Variants in JAKMIP1 observed in about 807,000 individuals in gnomAD.
JAKMIP1 encodes janus kinase and microtubule interacting protein 1.
In JAKMIP1, 33 loss-of-function variants were observed where a neutral mutation model predicts 113.0. The observed-to-expected ratio is 0.29, with a 90% CI of 0.22 to 0.39. The LOEUF (loss-of-function observed/expected upper bound fraction) is 0.39, where lower values mean the gene tolerates loss of function less well. Ranked by LOEUF, JAKMIP1 falls within the 10% of genes least tolerant of loss-of-function variation. JAKMIP1 has a pLI of 1.00. For synonymous variants in JAKMIP1, 480 were observed against 459.9 expected (o/e 1.04, Z -0.56); for missense variants, 813 against 1,080.5 (o/e 0.75, Z 3.47).
chr4:6,111,635 G>C (rs1207058889), intron 2 of JAKMIP1, among the ~76,000 whole-genome samples: 1 of 152,232 alleles, frequency 6.6e-6, no homozygotes, highest in African/African-American at 2.4e-5. Flanking sequence ...CATGAGACCA[G>C]TTAGCGGACA....
chr4:6,158,218 T>C lies in JAKMIP1; in HGVS notation c.-148+42035A>G, dbSNP rs1429400287. The stretch of plus-strand genomic sequence containing the variant: ...GGTCATGCAGTGCACGCTCCATACA[T>C]CCCAACTTTGCCCTGCGGATACTAC... On this transcript the variant is annotated intron_variant, in intron 1 of 20. Transcript: ENST00000409021. The surrounding 1 kb of genome is among the most constrained non-coding windows in gnomAD (Gnocchi z 5.3). Among the ~76,000 whole-genome samples the C allele has an allele frequency of 1.3e-5, 2 of 152,196 alleles. No individual in the cohort carries two copies. Among genetic ancestry groups the C allele is most frequent in the Non-Finnish European group, 2.9e-5 (2 of 68,044 alleles).
At chr4:6,114,354 G>A (rs1312222788) in intron 1 of JAKMIP1, among the ~76,000 whole-genome samples, 1 of 152,214 alleles carries the variant, frequency 6.6e-6, no homozygotes, top group African/African-American at 2.4e-5. Context: ...GTCAAGGTGA[G>A]GACCTGAAGC....
At chr4:6,056,946 T>TG (rs1393162705) in intron 11 of JAKMIP1, among the ~76,000 whole-genome samples, 187 bp from the exon 12 acceptor site, 1 of 152,206 alleles carries the variant, frequency 6.6e-6, no homozygotes, top group Non-Finnish European at 1.5e-5. Context: ...GGCTGGTTTG[T>TG]GGGGCATCCC....
chr4:6,119,572 A>AC (rs113983857), intron 1 of JAKMIP1, among the ~76,000 whole-genome samples: 39,886 of 150,746 alleles, frequency 0.26, 5,628 homozygotes, highest in African/African-American at 0.38. Flanking sequence ...AACAACAACA[A>AC]AAAAAAACCA....
rs1054194087 is a variant in JAKMIP1, at chr4:6,044,477, C to CA, written c.2029-2251dup. 1.4e-5 allele frequency among the ~76,000 whole-genome samples: 2 copies of CA among 143,880 alleles called. No individual in the cohort carries two copies. Among genetic ancestry groups the CA allele is most frequent in the Non-Finnish European group, 3.1e-5 (2 of 63,826 alleles). 94.4% of individuals were successfully genotyped at this position (143,880 alleles called of 152,430 possible). A position where few individuals can be genotyped will look rare whatever the true frequency, so the allele number is the denominator to read the frequency against. On this transcript the variant is annotated intron_variant, in intron 16 of 20. Coordinates refer to ENST00000409021, the MANE Select transcript of JAKMIP1 (RefSeq NM_001099433.2). This position sits in a 1 kb window ranked among gnomAD's most constrained non-coding sequence, Gnocchi z 4.4. Reference sequence around the variant, plus strand: ...TGCCAGCCACGGTGGCAGCACCCAGCACCCTGTGCCAGCCGCGGTGGCCAG... The same window carrying CA: ...TGCCAGCCACGGTGGCAGCACCCAGCAACCCTGTGCCAGCCGCGGTGGCCAG...
intron 9 of JAKMIP1, among the ~76,000 whole-genome samples, chr4:6,063,015 ACCTG>A (rs1047010016): frequency 1.3e-5 from 2 of 152,122 alleles, no homozygotes; most frequent in Non-Finnish European, 2.9e-5. Context: ...GGTGGTGGGC[ACCTG>A]TAATTCCAGC....
In JAKMIP1 at chr4:6,168,121, T is replaced by A. The variant is rs1723885881; in HGVS notation, c.-148+32132A>T. On this transcript the variant is annotated intron_variant, in intron 1 of 20. Transcript: ENST00000409021. This position sits in a 1 kb window ranked among gnomAD's most constrained non-coding sequence, Gnocchi z 4.6. ...CACACACCACCCAGGACGGCTGCAA[T>A]CAAAAAAGCGCACAACAACAAGTGT... is the stretch of plus-strand genomic sequence containing the variant. Among the ~76,000 whole-genome samples the A allele has an allele frequency of 6.6e-6, 1 of 152,056 alleles. No individual in the cohort carries two copies. Among genetic ancestry groups the A allele is most frequent in the African/African-American group, 2.4e-5 (1 of 41,400 alleles).
intron 9 of JAKMIP1, among the ~76,000 whole-genome samples, chr4:6,063,315 G>A (rs1187230439): frequency 6.6e-6 from 1 of 152,208 alleles, no homozygotes; most frequent in African/African-American, 2.4e-5. Context: ...CCCATGTTCT[G>A]GTGCTGAAAG....
chr4:6,172,464 G>C (rs1724842686), intron 1 of JAKMIP1, among the ~76,000 whole-genome samples: 1 of 152,112 alleles, frequency 6.6e-6, no homozygotes, highest in Admixed American at 6.5e-5. Flanking sequence ...CTCTGGCCTG[G>C]GTTTCTTCCA....
chr4:6,096,998 C>A (rs1711899708), intron 3 of JAKMIP1, among the ~76,000 whole-genome samples: 1 of 152,148 alleles, frequency 6.6e-6, no homozygotes, highest in Non-Finnish European at 1.5e-5. Flanking sequence ...TCATTCCTGA[C>A]AATGAATGTA....
chr4:6,050,302 G>A lies in JAKMIP1; in HGVS notation c.1908+276C>T, dbSNP rs181813002. On this transcript the variant is annotated intron_variant, in intron 14 of 20. Transcript: ENST00000409021. The surrounding 1 kb of genome is among the most constrained non-coding windows in gnomAD (Gnocchi z 7.4). ...GGTATTGTCATTTGGATTTCATAGCGAAGAGGCTAAGGCTCTGAAAGTTTA... is the reference window on the plus strand; with the variant it reads ...GGTATTGTCATTTGGATTTCATAGCAAAGAGGCTAAGGCTCTGAAAGTTTA... 7.9e-5 allele frequency among the ~76,000 whole-genome samples: 12 copies of A among 152,288 alleles called. No homozygotes were observed. Among genetic ancestry groups the A allele is most frequent in the African/African-American group, 1.9e-4 (8 of 41,560 alleles).
Position 6,094,848 on chromosome 4 carries a change from T to C in JAKMIP1, c.625-9219A>G. Among the ~76,000 whole-genome samples, 1 of 151,850 alleles carries C rather than the reference T, an allele frequency of 6.6e-6. No homozygotes were observed. On this transcript the variant is annotated intron_variant, in intron 3 of 20. Coordinates refer to ENST00000409021, the MANE Select transcript of JAKMIP1 (RefSeq NM_001099433.2). This position sits in a 1 kb window ranked among gnomAD's most constrained non-coding sequence, Gnocchi z 4.2. ...GTCTCTGCAAAAAATACAAAAAAAT[T>C]AGCTGGGCATAGGTGGTCCTGGCTA...
intron 3 of JAKMIP1, among the ~76,000 whole-genome samples, chr4:6,098,811 G>C (rs1370928247): frequency 6.6e-6 from 1 of 152,204 alleles, no homozygotes; most frequent in Non-Finnish European, 1.5e-5. Flanking sequence ...GCTCGAGAAG[G>C]CTGGCTCCTG....
chr4:6,083,328 G>A (rs992345839), intron 5 of JAKMIP1, among the ~76,000 whole-genome samples: 3 of 151,486 alleles, frequency 2.0e-5, no homozygotes, highest in African/African-American at 4.9e-5. Flanking sequence ...ACTTGAACCC[G>A]GGAGGCAGAG....
chr4:6,030,243 G>A (rs1468342070), intron 19 of JAKMIP1, among the ~76,000 whole-genome samples: 2 of 152,092 alleles, frequency 1.3e-5, no homozygotes, highest in Admixed American at 6.5e-5. Flanking sequence ...CTGGGGGATG[G>A]GGGGAGGGAG....
rs1290183266 is a variant in JAKMIP1, at chr4:6,073,709, T to A, written c.1302+5230A>T. ...ATGGATATAATGTTCATTTTAAGAA[T>A]CAAACTGAGGTTCTGAGCGTTTAGA... On this transcript the variant is annotated intron_variant, in intron 8 of 20. Transcript: ENST00000409021. Among the ~76,000 whole-genome samples, 9 of 152,310 alleles carry A rather than the reference T, an allele frequency of 5.9e-5. No individual in the cohort carries two copies. The East Asian group carries it at 1.7e-3, about 29-fold the overall frequency.
In JAKMIP1 at chr4:6,183,966, C is replaced by G. The variant is rs1170424397; in HGVS notation, c.-148+16287G>C. ...CAAGATGCCACAGCTGTTCAGATTG[C>G]AACTGTCACCCTATACTTTTCGTTT... On this transcript the variant is annotated intron_variant, in intron 1 of 20. Transcript: ENST00000409021. This position sits in a 1 kb window ranked among gnomAD's most constrained non-coding sequence, Gnocchi z 5.3. 6.6e-6 allele frequency among the ~76,000 whole-genome samples: 1 copy of G among 152,228 alleles called. No homozygotes were observed. The highest frequency in any genetic ancestry group is 2.4e-5 in the African/African-American group (1 of 41,452).
Position 6,105,686 on chromosome 4 carries a change from G to A in JAKMIP1, c.411C>T (p.Arg137=), listed in dbSNP as rs745471561. The A allele has an allele frequency of 3.1e-6, 5 of 1,602,862 alleles. No homozygotes were observed. In the Admixed American group the frequency reaches 6.8e-5, roughly 22 times the overall value. Residue 137 remains arginine (R), a synonymous_variant, in exon 3 of 21, where the codon CGC becomes CGT. Coordinates refer to ENST00000409021, the MANE Select transcript of JAKMIP1 (RefSeq NM_001099433.2). ...CATCGAAGGCCCTGCGCGCCTCCTC[G>A]CGCGCCTCGGTCAGCAGCGCCGTCT... is the stretch of plus-strand genomic sequence containing the variant. ...KVKTALLTEA[R]EEARRAFDGE... is the part of the protein sequence containing the mutation.
intron 1 of JAKMIP1, among the ~76,000 whole-genome samples, chr4:6,174,188 G>T (rs773527731): frequency 3.0e-4 from 46 of 152,218 alleles, no homozygotes; most frequent in Non-Finnish European, 5.6e-4. Context: ...GCAAAATGAT[G>T]ATGTGAGGCC....
Sources: gnomAD v4.1 joint callset for allele counts (sites outside exome capture counted in the v4.1 genomes callset) on GRCh38, gnomAD v4.1.1 for gene constraint, Gnocchi (gnomAD v3.1) non-coding constraint, MANE v1.5 for transcripts, NCBI Gene and HGNC (gene_info 2026-07-23, HGNC 2026-07-21) for gene names.